ASL: variants seen among roughly 807,000 people sequenced by gnomAD.
ASL encodes argininosuccinate lyase.
Under a neutral mutation model 69.1 loss-of-function variants are expected in ASL, and 51 were observed. The ratio of observed to expected loss-of-function variants is 0.74; its 90% CI spans 0.59 to 0.93. ASL has a LOEUF of 0.93. Among genes scored for constraint, ASL ranks in the 40% least tolerant of loss-of-function variants. ASL has a pLI of 0.00. For synonymous variants in ASL, 241 were observed against 247.6 expected, an observed-to-expected ratio of 0.97 and a Z score of 0.25; for missense variants, 540 against 623.9, an observed-to-expected ratio of 0.87 and a Z score of 1.43.
At chr7:66,092,156 G>A in intron 15 of ASL, 70 bp downstream of exon 15, 1 of 1,568,848 alleles carries the variant, frequency 6.4e-7, no homozygotes, top group Non-Finnish European at 8.7e-7. Flanking sequence ...GGGAGCTCAG[G>A]AATGGGTGCA....
Position 66,083,180 on chromosome 7 carries a change from T to A in ASL, c.446+6T>A. 1 of 1,611,302 alleles carries A rather than the reference T, an allele frequency of 6.2e-7. No individual in the cohort carries two copies. Among genetic ancestry groups the A allele is most frequent in the Non-Finnish European group, 8.5e-7 (1 of 1,179,562 alleles). ...ATGGTGGATCGGGCAGAGGCGTGAG[T>A]CCTACAGGGACACCCAGGGGGCAGA... On this transcript the variant is annotated splice_donor_region_variant and intron_variant, in intron 6 of 16. Coordinates refer to ENST00000304874, the MANE Select transcript of ASL (RefSeq NM_000048.4).
chr7:66,083,803 C>T (rs1211475801), intron 6 of ASL, among the ~76,000 whole-genome samples: 2 of 152,222 alleles, frequency 1.3e-5, no homozygotes, highest in Non-Finnish European at 2.9e-5. Flanking sequence ...CCCACACTGC[C>T]TGTCCCCCAG....
chr7:66,078,044 A>C (rs1437971055), intron 2 of ASL, among the ~76,000 whole-genome samples: 2 of 152,214 alleles, frequency 1.3e-5, no homozygotes, highest in Admixed American at 6.5e-5. Flanking sequence ...CCAGTGTTCT[A>C]GGTGACCTCA....
In ASL at chr7:66,087,785, T is replaced by C; in HGVS notation, c.712T>C (p.Phe238Leu). The C allele has an allele frequency of 6.2e-7, 1 of 1,614,144 alleles. No individual in the cohort carries two copies. The highest frequency in any genetic ancestry group is 1.1e-5 in the South Asian group (1 of 91,082). ...NSMDATSERD[F>L]VAEFLFWASL... is the part of the protein sequence containing the mutation. ...CATGGATGCCACTAGTGAGCGGGAC[T>C]TTGTGGGTGAGTCCTGGGGAGCCAG... Residue 238 changes from phenylalanine to leucine, a missense_variant, in exon 10 of 17, where the codon TTT (phenylalanine) becomes CTT (leucine). Transcript: ENST00000304874.
intron 2 of ASL, among the ~76,000 whole-genome samples, chr7:66,079,580 C>T (rs1406180330): frequency 6.6e-6 from 1 of 152,152 alleles, no homozygotes; most frequent in Non-Finnish European, 1.5e-5. Flanking sequence ...CATAGTGAGA[C>T]CCTGTCTCTA....
intron 14 of ASL, among the ~76,000 whole-genome samples, chr7:66,090,551 G>A (rs1425700739): frequency 6.6e-6 from 1 of 152,106 alleles, no homozygotes; most frequent in Non-Finnish European, 1.5e-5. Context: ...TGGGATTATA[G>A]GCATGAGCCA....
intron 10 of ASL, 56 bp from the exon 11 acceptor site, chr7:66,088,751 T>C: frequency 6.8e-7 from 1 of 1,476,234 alleles, no homozygotes; most frequent in South Asian, 1.2e-5. Context: ...GCCCCCTGTA[T>C]GGTCAGGCTG....
intron 10 of ASL, among the ~76,000 whole-genome samples, 173 bp downstream of exon 10, chr7:66,087,964 C>T (rs960814165): frequency 3.9e-5 from 6 of 152,022 alleles, no homozygotes; most frequent in Non-Finnish European, 8.8e-5. Flanking sequence ...TCACCATGCC[C>T]AGCACTGGCC....
intron 8 of ASL, 72 bp downstream of exon 8, chr7:66,086,893 T>C (rs2115727012): frequency 1.3e-6 from 2 of 1,506,800 alleles, no homozygotes; most frequent in East Asian, 4.9e-5. Flanking sequence ...TTGACAGAGC[T>C]GGGAAGTGCA....
intron 6 of ASL, among the ~76,000 whole-genome samples, chr7:66,085,844 G>A (rs1786647609): frequency 6.6e-6 from 1 of 152,044 alleles, no homozygotes; most frequent in Non-Finnish European, 1.5e-5. Flanking sequence ...TCCTGACCTT[G>A]TGATCTGCCC....
chr7:66,078,957 T>G (rs188958365), intron 2 of ASL, among the ~76,000 whole-genome samples: 2,319 of 152,294 alleles, frequency 0.015, 25 homozygotes, highest in Non-Finnish European at 0.023. Context: ...TCGCCCAGGC[T>G]GGAGTGCAGT....
At position 66,088,824 on chromosome 7, in the gene ASL, G is replaced by C. The variant is rs777232999; in HGVS notation, c.736G>C (p.Ala246Pro). 1 of 1,613,654 alleles carries C rather than the reference G, an allele frequency of 6.2e-7. No homozygotes were observed. The highest frequency in any genetic ancestry group is 1.1e-5 in the South Asian group (1 of 90,872). ...TCTCCCAGCCGAGTTCCTGTTCTGGGCTTCGCTGTGCATGACCCATCTCAG... is the reference window on the plus strand; with the variant it reads ...TCTCCCAGCCGAGTTCCTGTTCTGGCCTTCGCTGTGCATGACCCATCTCAG... ...RDFVAEFLFW[A>P]SLCMTHLSRM... is the part of the protein sequence containing the mutation. Residue 246 changes from alanine (A) to proline (P), a missense_variant, in exon 11 of 17, where the codon GCT becomes CCT. Transcript: ENST00000304874.
chr7:66,088,806 G>A lies in ASL; in HGVS notation c.719-1G>A, dbSNP rs369828060. ...TGGTGACTGGGAACCTTTTCTCCCAGCCGAGTTCCTGTTCTGGGCTTCGCT... is the reference window on the plus strand; with the variant it reads ...TGGTGACTGGGAACCTTTTCTCCCAACCGAGTTCCTGTTCTGGGCTTCGCT... On this transcript the variant is annotated splice_acceptor_variant, in intron 10 of 16. Coordinates refer to ENST00000304874, the MANE Select transcript of ASL (RefSeq NM_000048.4). LOFTEE classifies it high-confidence loss of function. 1.2e-6 allele frequency: 2 copies of A among 1,612,078 alleles called. No homozygotes were observed. Among genetic ancestry groups the A allele is most frequent in the Non-Finnish European group, 1.7e-6 (2 of 1,179,158 alleles).
chr7:66,092,077 C>T lies in ASL; in HGVS notation c.1134C>T (p.Val378=), dbSNP rs143883756. The change falls in exon 15 of 17, where the codon GTC becomes GTT. Residue 378 remains valine, a synonymous_variant. Coordinates refer to ENST00000304874, the MANE Select transcript of ASL (RefSeq NM_000048.4). ...CCACTGACCTTGCCTATTACCTGGT[C>T]CGCAAAGGGGTAAGTGTGTAGCAGC... ...MLATDLAYYL[V]RKGMPFRQAH... is the part of the protein sequence containing the mutation. The T allele has an allele frequency of 1.2e-5, 19 of 1,612,164 alleles. No homozygotes were observed. The African/African-American group carries it at 2.4e-4, about 20-fold the overall frequency.
intron 13 of ASL, 100 bp downstream of exon 13, chr7:66,089,435 C>G: frequency 1.3e-6 from 2 of 1,486,862 alleles, no homozygotes; most frequent in Non-Finnish European, 1.8e-6. Flanking sequence ...ATCCTCCCAT[C>G]CTGTGCACAC....
intron 2 of ASL, among the ~76,000 whole-genome samples, chr7:66,078,336 C>T (rs928128308): frequency 6.6e-6 from 1 of 151,870 alleles, no homozygotes; most frequent in Non-Finnish European, 1.5e-5. Context: ...GGGGTGGGGG[C>T]GGAGGCTGCC....
chr7:66,087,614 CT>C, intron 9 of ASL, 114 bp from the exon 10 acceptor site: 1 of 1,098,804 alleles, frequency 9.1e-7, no homozygotes, highest in Non-Finnish European at 1.4e-6. Flanking sequence ...CAAAAGATCC[CT>C]CCCCCCAGCT....
chr7:66,086,556 C>A (rs763678755), intron 6 of ASL, 29 bp from the exon 7 acceptor site: 1 of 1,611,492 alleles, frequency 6.2e-7, no homozygotes. Context: ...TGAGCCTCCA[C>A]CCGAGCTTCT....
chr7:66,083,471 G>C (rs1453433305), intron 6 of ASL: 24 of 346,806 alleles, frequency 6.9e-5, no homozygotes, highest in Non-Finnish European at 7.4e-5. Flanking sequence ...GATCACCTGA[G>C]GTCAGGAGTT....
Sources: gnomAD v4.1 joint callset for allele counts (sites outside exome capture counted in the v4.1 genomes callset) on GRCh38, gnomAD v4.1.1 for gene constraint, MANE v1.5 for transcripts, NCBI Gene and HGNC (gene_info 2026-07-23, HGNC 2026-07-21) for gene names.